NYX: variants seen among roughly 807,000 people sequenced by gnomAD.
NYX encodes leucine-rich repeat protein.
For missense variants in NYX, 481 were observed against 485.4 expected (o/e 0.99, Z 0.09); for synonymous variants, 258 against 245.7 (o/e 1.05, Z -0.47).
chrX:41,463,457 T>C (rs1453721486), intron 2 of NYX, among the ~76,000 whole-genome samples: 1 of 107,998 alleles, frequency 9.3e-6, no homozygotes, highest in Non-Finnish European at 1.9e-5. Context: ...AGTTTTGCTC[T>C]TGTTGCCCAG....
chrX:41,469,887 T>C (rs901808655), intron 2 of NYX, among the ~76,000 whole-genome samples: 2 of 111,326 alleles, frequency 1.8e-5, no homozygotes, highest in Non-Finnish European at 1.9e-5. Context: ...AGCCTACTTG[T>C]GGGCTTTTGA....
chrX:41,471,873 C>T lies in NYX; in HGVS notation c.23-1618C>T, dbSNP rs946273584. Among the ~76,000 whole-genome samples, 6 of 106,763 alleles carry T rather than the reference C, an allele frequency of 5.6e-5. No individual in the cohort carries two copies. The East Asian group carries it at 1.2e-3, about 21-fold the overall frequency. 92.7% of individuals were successfully genotyped at this position (106,763 alleles called of 115,157 possible). On this transcript the variant is annotated intron_variant, in intron 2 of 2. Transcript: ENST00000378220. ...TCCCCTGGGGTAACTGGTTCTTTAG[C>T]AAGAGGGGAGCACTGGGGAGTATCT...
At chrX:41,467,610 T>C (rs2064345427) in intron 2 of NYX, among the ~76,000 whole-genome samples, 1 of 110,600 alleles carries the variant, frequency 9.0e-6, no homozygotes, top group Admixed American at 9.8e-5. Flanking sequence ...TGCCTCTGCC[T>C]CCCAAAGTGC....
At chrX:41,471,126 G>T (rs776346889) in intron 2 of NYX, among the ~76,000 whole-genome samples, 7 of 111,081 alleles carry the variant, frequency 6.3e-5, no homozygotes, top group Admixed American at 4.8e-4. Context: ...TTTTTGGAGG[G>T]GGGGGATGGA....
chrX:41,451,671 G>C (rs1423898416), intron 2 of NYX, among the ~76,000 whole-genome samples: 1 of 110,408 alleles, frequency 9.1e-6, no homozygotes, highest in Non-Finnish European at 1.9e-5. Context: ...CCCCCACCAT[G>C]CTCTGCTAAT....
In NYX at chrX:41,460,876, ATTTTTTTTTTT is replaced by A. The variant is rs59383905; in HGVS notation, c.23-12595_23-12585del. Reference sequence around the variant, plus strand: ...ATGTAAGCGGAGTCACACAGTATGTATTTTTTTTTTTTTTTTTTTTTTTTTTTTTTGGTCTG... The same window carrying A: ...ATGTAAGCGGAGTCACACAGTATGTATTTTTTTTTTTTTTTTTTTGGTCTG... On this transcript the variant is annotated intron_variant, in intron 2 of 2. Coordinates refer to ENST00000378220, the MANE Select transcript of NYX (RefSeq NM_001378477.3). 1.0e-2 allele frequency among the ~76,000 whole-genome samples: 247 copies of A among 24,788 alleles called. 4 individuals carry two copies. The highest frequency in any genetic ancestry group is 0.033 in the African/African-American group (214 of 6,581). 21.5% of individuals were successfully genotyped at this position (24,788 alleles called of 115,157 possible).
chrX:41,470,588 G>A (rs2064355397), intron 2 of NYX, among the ~76,000 whole-genome samples: 1 of 108,665 alleles, frequency 9.2e-6, no homozygotes, highest in South Asian at 4.0e-4. Context: ...CAGCTACTCG[G>A]GTGGCTGAGG....
At chrX:41,468,866 G>A (rs757911677) in intron 2 of NYX, among the ~76,000 whole-genome samples, 4 of 111,685 alleles carry the variant, frequency 3.6e-5, no homozygotes, top group Admixed American at 2.9e-4. Flanking sequence ...CTGCAGTTAA[G>A]GTTATATTCT....
In NYX at chrX:41,474,393, C is replaced by A; in HGVS notation, c.925C>A (p.Leu309Ile). ...LLALHLNGNR[L>I]TVLAWVAFQP... The stretch of plus-strand genomic sequence containing the variant: ...CGCGCTGCACCTCAACGGCAACCGC[C>A]TCACCGTGCTCGCCTGGGTCGCCTT... Residue 309 changes from leucine (L) to isoleucine (I), a missense_variant, in exon 3 of 3, where the codon CTC becomes ATC. Physicochemically the swap from Leu to Ile is conservative, Grantham distance 5. Coordinates refer to ENST00000378220, the MANE Select transcript of NYX (RefSeq NM_001378477.3). 1 of 1,207,971 alleles carries A rather than the reference C, an allele frequency of 8.3e-7. No individual in the cohort carries two copies.
At position 41,460,876 on chromosome X, in the gene NYX, ATTTTTT is replaced by A. The variant is rs59383905; in HGVS notation, c.23-12590_23-12585del. ...ATGTAAGCGGAGTCACACAGTATGT[ATTTTTT>A]TTTTTTTTTTTTTTTTTTTTTTTTG... On this transcript the variant is annotated intron_variant, in intron 2 of 2. Coordinates refer to ENST00000378220, the MANE Select transcript of NYX (RefSeq NM_001378477.3). Among the ~76,000 whole-genome samples, 11 of 24,781 alleles carry A rather than the reference ATTTTTT, an allele frequency of 4.4e-4. 1 individual carries two copies. The highest frequency in any genetic ancestry group is 0.01 in the South Asian group (2 of 195). The allele number at this position is 24,781 out of a possible 115,157, so 21.5% of individuals were successfully genotyped here.
intron 2 of NYX, among the ~76,000 whole-genome samples, chrX:41,468,290 ATTTT>A (rs11408249): frequency 9.3e-5 from 8 of 85,919 alleles, no homozygotes; most frequent in Non-Finnish European, 4.5e-5. Context: ...TTGACAAATA[ATTTT>A]TTTTTTTTTT....
Sources: allele counts gnomAD v4.1 joint callset (sites outside exome capture counted in the v4.1 genomes callset), GRCh38; gene constraint gnomAD v4.1.1; transcripts MANE v1.5; gene names NCBI Gene and HGNC (gene_info 2026-07-23, HGNC 2026-07-21).